STXBP5L: variants seen among roughly 807,000 people sequenced by gnomAD.
STXBP5L encodes the protein syntaxin binding protein 5L, also known as syntaxin-binding protein 5-like.
In STXBP5L, 65 loss-of-function variants were observed where a neutral mutation model predicts 144.5. The observed-to-expected ratio is 0.45, with a 90% confidence interval of 0.37 to 0.55. STXBP5L has a LOEUF of 0.55. STXBP5L is among the 20% of genes least tolerant of loss of function. The probability of loss-of-function intolerance (pLI) is 0.00; values close to 1 mark genes in which losing one functional copy is unlikely to be tolerated. For missense variants in STXBP5L, 1,298 were observed against 1,405.5 expected, an observed-to-expected ratio of 0.92 and a Z score of 1.22; for synonymous variants, 505 against 469.6, an observed-to-expected ratio of 1.08 and a Z score of -0.97.
chr3:121,041,400 C>T (rs1688678), intron 3 of STXBP5L, among the ~76,000 whole-genome samples: 229 of 152,130 alleles, frequency 1.5e-3, no homozygotes, highest in African/African-American at 5.2e-3. Context: ...AGTGTTTAAT[C>T]AATTAAAAAA....
intron 20 of STXBP5L, among the ~76,000 whole-genome samples, chr3:121,373,896 C>G (rs2046105241): frequency 6.6e-6 from 1 of 152,166 alleles, no homozygotes; most frequent in Admixed American, 6.5e-5. Context: ...CTGCCAGTGC[C>G]AATGCATGCA....
chr3:121,196,048 G>C (rs185538865), intron 9 of STXBP5L, among the ~76,000 whole-genome samples: 9 of 151,706 alleles, frequency 5.9e-5, no homozygotes, highest in Non-Finnish European at 1.3e-4. Context: ...GTGGTTTCAT[G>C]TGAATTTTAG....
At chr3:121,085,074 T>C (rs1390964271) in intron 5 of STXBP5L, among the ~76,000 whole-genome samples, 2 of 152,200 alleles carry the variant, frequency 1.3e-5, no homozygotes, top group Non-Finnish European at 2.9e-5. Context: ...ATGGTTTTTT[T>C]CTTGGAAATT....
At chr3:121,297,801 A>G (rs2051720759) in intron 19 of STXBP5L, among the ~76,000 whole-genome samples, 1 of 152,210 alleles carries the variant, frequency 6.6e-6, no homozygotes, top group African/African-American at 2.4e-5. Context: ...CTGAGTAAAT[A>G]TGTTGGGGAA....
At chr3:121,004,295 T>C (rs1944064184) in intron 3 of STXBP5L, among the ~76,000 whole-genome samples, 1 of 151,410 alleles carries the variant, frequency 6.6e-6, no homozygotes, top group Admixed American at 6.6e-5. Flanking sequence ...CCTAGGTATT[T>C]TATTCTCTTT....
intron 20 of STXBP5L, among the ~76,000 whole-genome samples, chr3:121,328,291 C>A (rs1389859745): frequency 6.6e-6 from 1 of 152,218 alleles, no homozygotes; most frequent in African/African-American, 2.4e-5. Context: ...GCTTTACACA[C>A]ATTCCTTCCA....
intron 5 of STXBP5L, among the ~76,000 whole-genome samples, chr3:121,068,929 G>T (rs982526043): frequency 1.3e-5 from 2 of 151,912 alleles, no homozygotes; most frequent in Non-Finnish European, 2.9e-5. Context: ...TTGCAGATTT[G>T]TAGGAAGTTG....
At chr3:121,300,606 C>A in intron 19 of STXBP5L, among the ~76,000 whole-genome samples, 1 of 151,154 alleles carries the variant, frequency 6.6e-6, no homozygotes, top group African/African-American at 2.4e-5. Context: ...CATTATAATC[C>A]CTAGAACAAC....
intron 24 of STXBP5L, among the ~76,000 whole-genome samples, 164 bp downstream of exon 24, chr3:121,413,487 G>C (rs2047166399): frequency 6.6e-6 from 1 of 152,094 alleles, no homozygotes. Context: ...CTTCTAGTAT[G>C]GTTCTAGGTA....
intron 20 of STXBP5L, among the ~76,000 whole-genome samples, chr3:121,371,756 CG>C (rs899125862): frequency 2.6e-5 from 4 of 152,288 alleles, no homozygotes; most frequent in African/African-American, 9.6e-5. Context: ...TAGTGGTGGC[CG>C]CCCAGTGCCA....
intron 5 of STXBP5L, among the ~76,000 whole-genome samples, chr3:121,080,285 C>G: frequency 6.6e-6 from 1 of 152,042 alleles, no homozygotes; most frequent in East Asian, 1.9e-4. Context: ...TTCTGCCATT[C>G]TGTATCTTTT....
intron 20 of STXBP5L, among the ~76,000 whole-genome samples, chr3:121,345,990 C>G (rs962695465): frequency 6.6e-5 from 10 of 151,644 alleles, no homozygotes; most frequent in Admixed American, 2.6e-4. Flanking sequence ...TTTTAGGGTA[C>G]GTGTGCACAA....
At chr3:121,349,127 A>G (rs1490012663) in intron 20 of STXBP5L, among the ~76,000 whole-genome samples, 1 of 152,058 alleles carries the variant, frequency 6.6e-6, no homozygotes, top group African/African-American at 2.4e-5. Context: ...ACACTGCTTT[A>G]AATGTGTCCC....
chr3:121,030,343 A>G (rs1418891379), intron 3 of STXBP5L, among the ~76,000 whole-genome samples: 2 of 152,114 alleles, frequency 1.3e-5, no homozygotes, highest in African/African-American at 4.8e-5. Flanking sequence ...GGAATATTAT[A>G]CAGCCATAGA....
chr3:121,407,196 C>T, intron 22 of STXBP5L, 47 bp from the exon 23 acceptor site: 1 of 1,518,402 alleles, frequency 6.6e-7, no homozygotes, highest in African/African-American at 1.4e-5. Flanking sequence ...CCTATAGATG[C>T]TTTAGAATGA....
At chr3:121,101,581 C>G (rs1016012098) in intron 5 of STXBP5L, among the ~76,000 whole-genome samples, 1 of 151,852 alleles carries the variant, frequency 6.6e-6, no homozygotes, top group Non-Finnish European at 1.5e-5. Flanking sequence ...GAATATATAC[C>G]ATAGAATGGT....
chr3:121,244,724 T>C (rs2108346988), intron 14 of STXBP5L, among the ~76,000 whole-genome samples: 1 of 152,128 alleles, frequency 6.6e-6, no homozygotes, highest in East Asian at 1.9e-4. Flanking sequence ...CCCCATGAGA[T>C]TGTCAGCAGG....
intron 5 of STXBP5L, among the ~76,000 whole-genome samples, chr3:121,112,832 T>A (rs2044053822): frequency 6.6e-6 from 1 of 152,220 alleles, no homozygotes; most frequent in African/African-American, 2.4e-5. Flanking sequence ...AGTGTAATTA[T>A]AAAATACAAT....
chr3:121,367,722 C>T (rs1433544959), intron 20 of STXBP5L, among the ~76,000 whole-genome samples: 1 of 147,600 alleles, frequency 6.8e-6, no homozygotes, highest in Non-Finnish European at 1.5e-5. Flanking sequence ...GATCCTCTTG[C>T]CTCAGCTTCC....
Sources: gnomAD v4.1 joint callset for allele counts (sites outside exome capture counted in the v4.1 genomes callset) on GRCh38, gnomAD v4.1.1 for gene constraint, MANE v1.5 for transcripts, NCBI Gene and HGNC (gene_info 2026-07-23, HGNC 2026-07-21) for gene names.